The following RANBP9 variants were observed in gnomAD, a reference collection of about 807,000 sequenced individuals.
RANBP9 encodes the protein ran-binding protein 9.
Under a neutral mutation model 84.3 loss-of-function variants are expected in RANBP9, and 15 were observed. The ratio of observed to expected loss-of-function variants is 0.18; its 90% CI spans 0.12 to 0.27. The LOEUF (loss-of-function observed/expected upper bound fraction) is 0.27, where lower values mean the gene tolerates loss of function less well. RANBP9 is among the 10% of genes least tolerant of loss of function. The pLI, the probability that RANBP9 is intolerant of heterozygous loss-of-function variation, is 1.00. For missense variants in RANBP9, 809 were observed against 912.8 expected (o/e 0.89, Z 1.46); for synonymous variants, 392 against 349.6 (o/e 1.12, Z -1.35).
At position 13,678,759 on chromosome 6, in the gene RANBP9, T is replaced by A. The variant is rs538869037; in HGVS notation, c.683+18026A>T. Among the ~76,000 whole-genome samples, 17 of 152,312 alleles carry A rather than the reference T, an allele frequency of 1.1e-4. No homozygotes were observed. In the East Asian group the frequency reaches 2.9e-3, roughly 26 times the overall value. ...AACCTGGTGCTTCCCCTGTGTAGCA[T>A]GCAGTGACCCTCCCTGAGACCTGTG... On this transcript the variant is annotated intron_variant, in intron 2 of 13. Coordinates refer to ENST00000011619, the MANE Select transcript of RANBP9 (RefSeq NM_005493.3).
rs1311107961 is a variant in RANBP9, at chr6:13,642,605, G to A, written c.1113-14C>T. The stretch of plus-strand genomic sequence containing the variant: ...GATGAAACCATTCTTAAAATAAAAA[G>A]AAGAAACATACATCTTTTAGTGAAG... On this transcript the variant is annotated splice_polypyrimidine_tract_variant and intron_variant, in intron 6 of 13. Coordinates refer to ENST00000011619, the MANE Select transcript of RANBP9 (RefSeq NM_005493.3). 6.6e-7 allele frequency: 1 copy of A among 1,515,956 alleles called. No homozygotes were observed. The highest frequency in any genetic ancestry group is 2.3e-5 in the East Asian group (1 of 43,878). 93.9% of individuals were successfully genotyped at this position (1,515,956 alleles called of 1,614,324 possible).
chr6:13,704,071 A>T (rs1758038693), intron 1 of RANBP9, among the ~76,000 whole-genome samples: 3 of 152,202 alleles, frequency 2.0e-5, no homozygotes, highest in Admixed American at 2.0e-4. Context: ...TCTCAGTATT[A>T]CTTTTAAATA....
intron 2 of RANBP9, among the ~76,000 whole-genome samples, chr6:13,661,943 G>A (rs944746930): frequency 6.6e-6 from 1 of 152,242 alleles, no homozygotes; most frequent in Non-Finnish European, 1.5e-5. Context: ...TGAAAGTAAA[G>A]TAACTGTCTA....
intron 1 of RANBP9, among the ~76,000 whole-genome samples, chr6:13,700,768 A>C (rs930743176): frequency 3.9e-5 from 6 of 152,182 alleles, no homozygotes; most frequent in African/African-American, 1.2e-4. Context: ...GCTGCAACAG[A>C]CCAAGCCACC....
At chr6:13,655,266 G>A (rs1243718489) in intron 4 of RANBP9, among the ~76,000 whole-genome samples, 2 of 152,186 alleles carry the variant, frequency 1.3e-5, no homozygotes, top group Non-Finnish European at 2.9e-5. Context: ...GAGGTCAGAG[G>A]TTCAAGACCA....
rs1215258443 is a variant in RANBP9, at chr6:13,711,774, C to A, written c.-269G>T. On this transcript the variant is annotated 5_prime_UTR_variant, in exon 1 of 14. Transcript: ENST00000011619. ...CGAGGCGCCGAGGGCGGGGGCGACG[C>A]GGGAGCGCGGGAGGGGAAGGCGCGC... 6.8e-6 allele frequency among the ~76,000 whole-genome samples: 1 copy of A among 146,676 alleles called. No individual in the cohort carries two copies. The highest frequency in any genetic ancestry group is 1.5e-5 in the Non-Finnish European group (1 of 66,004).
rs1164073062 is a variant in RANBP9, at chr6:13,688,982, CAAAAAAAAA to C, written c.683+7794_683+7802del. Among the ~76,000 whole-genome samples, 5 of 29,952 alleles carry C rather than the reference CAAAAAAAAA, an allele frequency of 1.7e-4. 1 individual carries two copies. Among genetic ancestry groups the C allele is most frequent in the African/African-American group, 5.2e-4 (5 of 9,576 alleles). 19.6% of individuals were successfully genotyped at this position (29,952 alleles called of 152,430 possible). A position where few individuals can be genotyped will look rare whatever the true frequency, so the allele number is the denominator to read the frequency against. ...TGCAACATACCGAGACCCATCTCCACAAAAAAAAAAAAAAAAAAAAAATGCTGGGCATGG... is the reference window on the plus strand; with the variant it reads ...TGCAACATACCGAGACCCATCTCCACAAAAAAAAAAAAATGCTGGGCATGG... On this transcript the variant is annotated intron_variant, in intron 2 of 13. Transcript: ENST00000011619.
At chr6:13,668,128 T>C (rs1765692885) in intron 2 of RANBP9, among the ~76,000 whole-genome samples, 1 of 152,036 alleles carries the variant, frequency 6.6e-6, no homozygotes, top group Admixed American at 6.5e-5. Flanking sequence ...GTATTACTAC[T>C]AAACTAAAAA....
At chr6:13,669,970 TACTGGG>T (rs1765736683) in intron 2 of RANBP9, among the ~76,000 whole-genome samples, 1 of 150,568 alleles carries the variant, frequency 6.6e-6, no homozygotes, top group Non-Finnish European at 1.5e-5. Flanking sequence ...CAACAAATGG[TACTGGG>T]AAAACATACA....
chr6:13,652,827 A>C (rs750461109), intron 4 of RANBP9, 146 bp from the exon 5 acceptor site: 53 of 658,782 alleles, frequency 8.0e-5, no homozygotes, highest in Non-Finnish European at 1.3e-4. Flanking sequence ...ACTAATTTTT[A>C]ATCAATAATA....
chr6:13,634,022 C>T (rs976259473), intron 11 of RANBP9, among the ~76,000 whole-genome samples: 3 of 148,878 alleles, frequency 2.0e-5, no homozygotes, highest in South Asian at 4.3e-4. Flanking sequence ...CAAAGTCACA[C>T]ACGTTTACGT....
chr6:13,687,963 A>AGCAGCAGTG lies in RANBP9; in HGVS notation c.683+8813_683+8821dup, dbSNP rs1297903727. Among the ~76,000 whole-genome samples the AGCAGCAGTG allele has an allele frequency of 2.0e-4, 30 of 152,368 alleles. No individual in the cohort carries two copies. In the East Asian group the frequency reaches 5.8e-3, roughly 29 times the overall value. ...AACTTTATGCTGAGCTTCCTCCAGC[A>AGCAGCAGTG]GCAGCAGTGGCAGCAGCCAGCAGCA... On this transcript the variant is annotated intron_variant, in intron 2 of 13. Transcript: ENST00000011619.
intron 2 of RANBP9, among the ~76,000 whole-genome samples, chr6:13,668,440 C>T (rs1281703867): frequency 6.6e-6 from 1 of 151,900 alleles, no homozygotes; most frequent in Non-Finnish European, 1.5e-5. Flanking sequence ...AAAAAATATC[C>T]TTCATTAATA....
At chr6:13,687,546 C>T (rs1766218195) in intron 2 of RANBP9, among the ~76,000 whole-genome samples, 1 of 152,064 alleles carries the variant, frequency 6.6e-6, no homozygotes, top group South Asian at 2.1e-4. Context: ...CATCACTATC[C>T]ATTTAATCTT....
intron 12 of RANBP9, among the ~76,000 whole-genome samples, chr6:13,630,843 ATT>A (rs879343525): frequency 6.9e-6 from 1 of 144,836 alleles, no homozygotes. Flanking sequence ...TCATTTTTCT[ATT>A]TTTTTTTTTT....
chr6:13,665,962 G>A (rs1406263686), intron 2 of RANBP9, among the ~76,000 whole-genome samples: 1 of 152,102 alleles, frequency 6.6e-6, no homozygotes, highest in Non-Finnish European at 1.5e-5. Context: ...CCTCTGAAAG[G>A]GTGGCTCAAG....
At chr6:13,626,567 T>C (rs899403028) in intron 12 of RANBP9, among the ~76,000 whole-genome samples, 7 of 152,222 alleles carry the variant, frequency 4.6e-5, no homozygotes, top group African/African-American at 1.4e-4. Flanking sequence ...AATCTTTCAA[T>C]AAATGACGTC....
chr6:13,651,546 C>G (rs1210184702), intron 5 of RANBP9, among the ~76,000 whole-genome samples: 1 of 151,920 alleles, frequency 6.6e-6, no homozygotes, highest in South Asian at 2.1e-4. Context: ...AGGCGCCCAC[C>G]ACCACGCCCA....
chr6:13,652,704 C>T, intron 4 of RANBP9, 23 bp from the exon 5 acceptor site: 2 of 1,582,186 alleles, frequency 1.3e-6, no homozygotes, highest in South Asian at 2.3e-5. Context: ...AAAAAAGTGG[C>T]ATTAGAAGCT....
Sources: allele counts gnomAD v4.1 joint callset (sites outside exome capture counted in the v4.1 genomes callset), GRCh38; gene constraint gnomAD v4.1.1; transcripts MANE v1.5; gene names NCBI Gene and HGNC (gene_info 2026-07-23, HGNC 2026-07-21).